Variants in OPHN1 observed in about 807,000 individuals in gnomAD.
The protein encoded by OPHN1 is oligophrenin 1, also known as oligophrenin-1.
OPHN1 carries 11 observed loss-of-function variants against 60.7 expected under a neutral mutation model. That is an observed-to-expected ratio of 0.18 (90% CI 0.11 to 0.30). The LOEUF (loss-of-function observed/expected upper bound fraction) is 0.30. Among genes scored for constraint, OPHN1 ranks in the 10% least tolerant of loss-of-function variants. The probability of loss-of-function intolerance (pLI) is 1.00; values close to 1 mark genes in which losing one functional copy is unlikely to be tolerated. For missense variants in OPHN1, 449 were observed against 611.0 expected (o/e 0.73, Z 2.80); for synonymous variants, 226 against 222.6 (o/e 1.02, Z -0.14).
chrX:68,268,629 A>G (rs994523213), intron 5 of OPHN1, among the ~76,000 whole-genome samples: 1 of 111,607 alleles, frequency 9.0e-6, no homozygotes, highest in Non-Finnish European at 1.9e-5. Context: ...CCCACAGACA[A>G]TATCATACTG....
At chrX:68,060,269 G>A (rs2076888291) in intron 21 of OPHN1, among the ~76,000 whole-genome samples, 1 of 111,325 alleles carries the variant, frequency 9.0e-6, no homozygotes, top group African/African-American at 3.3e-5. Flanking sequence ...GGCCAACGCT[G>A]CTGAAGAAAT....
At chrX:68,378,466 G>C (rs1302572692) in intron 2 of OPHN1, among the ~76,000 whole-genome samples, 1 of 111,798 alleles carries the variant, frequency 8.9e-6, no homozygotes, top group East Asian at 2.8e-4. Context: ...TTTGGCTTTT[G>C]TTGCCATTGC....
At chrX:68,051,272 AG>A (rs1395664297) in intron 23 of OPHN1, among the ~76,000 whole-genome samples, 1 of 111,560 alleles carries the variant, frequency 9.0e-6, no homozygotes, top group Non-Finnish European at 1.9e-5. Context: ...CTCACAAAAG[AG>A]TCCCTGAAGG....
chrX:68,262,734 C>G (rs941246603), intron 5 of OPHN1, among the ~76,000 whole-genome samples: 7 of 111,773 alleles, frequency 6.3e-5, no homozygotes, highest in Non-Finnish European at 1.3e-4. Flanking sequence ...TTGCGGTGAG[C>G]TGAGATCACG....
At chrX:68,244,369 G>C (rs1033620543) in intron 5 of OPHN1, among the ~76,000 whole-genome samples, 1 of 112,111 alleles carries the variant, frequency 8.9e-6, no homozygotes, top group Non-Finnish European at 1.9e-5. Flanking sequence ...TATTGCATTT[G>C]TTGCAATCTG....
chrX:68,285,413 T>C (rs1456268914), intron 3 of OPHN1, among the ~76,000 whole-genome samples: 1 of 111,563 alleles, frequency 9.0e-6, no homozygotes, highest in East Asian at 2.8e-4. Context: ...ATTTAGTATG[T>C]TGTGACTGTT....
chrX:68,119,417 T>C, intron 15 of OPHN1, 85 bp from the exon 16 acceptor site: 1 of 675,713 alleles, frequency 1.5e-6, no homozygotes, highest in Non-Finnish European at 2.4e-6. Flanking sequence ...AAACAAAGTA[T>C]ATTACCCTAA....
chrX:68,091,566 T>C (rs2077018499), intron 19 of OPHN1, among the ~76,000 whole-genome samples: 1 of 111,411 alleles, frequency 9.0e-6, no homozygotes, highest in African/African-American at 3.3e-5. Context: ...AGAGGCTTCA[T>C]ATAAAATGAA....
At chrX:68,095,069 C>A (rs2077033276) in intron 19 of OPHN1, among the ~76,000 whole-genome samples, 1 of 111,746 alleles carries the variant, frequency 8.9e-6, no homozygotes, top group Admixed American at 9.5e-5. Flanking sequence ...CTGCTTTTCT[C>A]CTTAATGTTC....
At chrX:68,292,617 T>G (rs989105098) in intron 3 of OPHN1, among the ~76,000 whole-genome samples, 2 of 111,480 alleles carry the variant, frequency 1.8e-5, no homozygotes, top group African/African-American at 6.5e-5. Flanking sequence ...AATCAGCTCC[T>G]AGGCTCAAGT....
At position 68,392,842 on chromosome X, in the gene OPHN1, C is replaced by T. The variant is rs188020995; in HGVS notation, c.154+40025G>A. ...TCCAGGGGAAGATCATCTTCCCACT[C>T]GATCCCCCCTTCCAGCTCCCCATCC... On this transcript the variant is annotated intron_variant, in intron 2 of 24. Transcript: ENST00000355520. Among the ~76,000 whole-genome samples, 162 of 109,345 alleles carry T rather than the reference C, an allele frequency of 1.5e-3. 1 individual carries two copies. Among genetic ancestry groups the T allele is most frequent in the African/African-American group, 5.0e-3 (151 of 30,089 alleles). 95.0% of individuals were successfully genotyped at this position (109,345 alleles called of 115,157 possible). A position where few individuals can be genotyped will look rare whatever the true frequency, so the allele number is the denominator to read the frequency against.
intron 2 of OPHN1, among the ~76,000 whole-genome samples, chrX:68,319,895 C>A (rs1289027257): frequency 9.1e-6 from 1 of 110,427 alleles, no homozygotes; most frequent in Admixed American, 9.8e-5. Context: ...ATATAAAATT[C>A]TTTATACATA....
rs376845562 is a variant in OPHN1, at chrX:68,111,937, G to T, written c.1443C>A (p.Arg481=). The T allele has an allele frequency of 2.5e-6, 3 of 1,202,916 alleles. No individual in the cohort carries two copies. The Admixed American group carries it at 6.5e-5, about 26-fold the overall frequency. The part of the protein sequence containing the change: ...SAAKSDNLDY[R]LGAIHSLVYK... ...ATACCAGGGAGTGAATAGCTCCTAG[G>T]CGGTAATCCAGGTTGTCAGACTCTG... Residue 481 remains arginine (R), a synonymous_variant, in exon 18 of 25, where the codon CGC becomes CGA. Coordinates refer to ENST00000355520, the MANE Select transcript of OPHN1 (RefSeq NM_002547.3).
chrX:68,303,208 C>A (rs762909319), intron 2 of OPHN1, among the ~76,000 whole-genome samples: 8 of 111,897 alleles, frequency 7.1e-5, no homozygotes, highest in Non-Finnish European at 1.5e-4. Context: ...ACAGAAATAT[C>A]AAAACAAATG....
rs58334942 is a variant in OPHN1 at position 68,324,446 on chromosome X, T to TAA, written c.155-25352_155-25351dup. Among the ~76,000 whole-genome samples, 252 of 91,300 alleles carry TAA rather than the reference T, an allele frequency of 2.8e-3. 2 individuals are homozygous for TAA. The highest frequency in any genetic ancestry group is 9.6e-3 in the African/African-American group (240 of 24,911). The allele number at this position is 91,300 out of a possible 115,157, so 79.3% of individuals were successfully genotyped here. A position where few individuals can be genotyped will look rare whatever the true frequency, so the allele number is the denominator to read the frequency against. On this transcript the variant is annotated intron_variant, in intron 2 of 24. Coordinates refer to ENST00000355520, the MANE Select transcript of OPHN1 (RefSeq NM_002547.3). ...GGTAAGACTCCGTCTCTACAAAAAT[T>TAA]AAAAAAAAAAAAAAATAGCCAGGTA...
intron 5 of OPHN1, among the ~76,000 whole-genome samples, chrX:68,270,626 T>A (rs1159248727): frequency 2.0e-5 from 2 of 101,942 alleles, no homozygotes; most frequent in Non-Finnish European, 4.0e-5. Context: ...CATTAGGAGA[T>A]ATACCTAATG....
chrX:68,383,598 GAAAAAAAAAAAA>G (rs10591078), intron 2 of OPHN1, among the ~76,000 whole-genome samples: 23 of 22,362 alleles, frequency 1.0e-3, no homozygotes, highest in Admixed American at 9.8e-3. Context: ...CTCCATCCCA[GAAAAAAAAAAAA>G]AAAAAAAAAA....
chrX:68,209,992 C>CTTTTTTTT, intron 9 of OPHN1, 161 bp downstream of exon 9: 21 of 447,185 alleles, frequency 4.7e-5, no homozygotes, highest in Admixed American at 1.7e-4. Context: ...TCAGTTTCTC[C>CTTTTTTTT]TTTTTTTTTT....
intron 15 of OPHN1, among the ~76,000 whole-genome samples, chrX:68,156,816 C>T (rs1390093928): frequency 1.8e-5 from 2 of 110,961 alleles, no homozygotes; most frequent in East Asian, 5.7e-4. Flanking sequence ...TGCTTATTTC[C>T]AAAATCAAGC....
Sources: gnomAD v4.1 joint callset for allele counts (sites outside exome capture counted in the v4.1 genomes callset) on GRCh38, gnomAD v4.1.1 for gene constraint, MANE v1.5 for transcripts, NCBI Gene and HGNC (gene_info 2026-07-23, HGNC 2026-07-21) for gene names.